TSPAN11: variants seen among roughly 807,000 people sequenced by gnomAD.
TSPAN11 encodes tetraspanin-11.
A neutral mutation model predicts 32.9 loss-of-function variants in TSPAN11; 29 were observed. The ratio of observed to expected loss-of-function variants is 0.88; its 90% CI spans 0.66 to 1.20. TSPAN11 has a LOEUF of 1.20. Ranked by LOEUF, TSPAN11 falls within the 50% of genes most tolerant of loss-of-function variation. The pLI, the probability that TSPAN11 is intolerant of heterozygous loss-of-function variation, is 0.00. For missense variants in TSPAN11, 283 were observed against 329.1 expected (o/e 0.86, Z 1.08); for synonymous variants, 140 against 141.3 (o/e 0.99, Z 0.07).
chr12:30,976,232 G>A lies in TSPAN11; in HGVS notation c.277-2329G>A, dbSNP rs548142337. On this transcript the variant is annotated intron_variant, in intron 3 of 7. Transcript: ENST00000546076. ...CTGTGGGACCTGGAGCTCTGGGAGG[G>A]CAGGAGGCGGGTTAGATCACTGGAA... is the stretch of plus-strand genomic sequence containing the variant. Among the ~76,000 whole-genome samples the A allele has an allele frequency of 2.0e-5, 3 of 152,288 alleles. No individual in the cohort carries two copies. The South Asian group carries it at 6.2e-4, about 32-fold the overall frequency.
intron 1 of TSPAN11, among the ~76,000 whole-genome samples, chr12:30,938,156 T>A: frequency 6.6e-6 from 1 of 152,188 alleles, no homozygotes. Context: ...CCCTTAGGAA[T>A]CAAACTGAAG....
At chr12:31,004,793 C>G in the TSPAN11 span, among the ~76,000 whole-genome samples, 10,299 of 152,306 alleles carry the variant, frequency 0.068, 501 homozygotes, top group South Asian at 0.2. Flanking sequence ...AACCCAACAA[C>G]TGCTCCTCAG....
chr12:30,935,830 C>G (rs1284199722), intron 1 of TSPAN11, among the ~76,000 whole-genome samples: 5 of 152,074 alleles, frequency 3.3e-5, no homozygotes, highest in African/African-American at 1.2e-4. Context: ...GGGTCAGCTG[C>G]CATGGACTGA....
At chr12:31,013,006 A>G in the TSPAN11 span, among the ~76,000 whole-genome samples, 3 of 152,198 alleles carry the variant, frequency 2.0e-5, no homozygotes, top group Non-Finnish European at 4.4e-5. Flanking sequence ...TACAGACACA[A>G]ATCTAAGCAA....
chr12:30,981,602 T>C (rs1939094360), intron 5 of TSPAN11, among the ~76,000 whole-genome samples: 1 of 152,152 alleles, frequency 6.6e-6, no homozygotes, highest in Non-Finnish European at 1.5e-5. Flanking sequence ...CGGGGGCCCC[T>C]GTTCATCCCT....
At chr12:30,943,268 C>T (rs1938202829) in intron 1 of TSPAN11, among the ~76,000 whole-genome samples, 1 of 152,170 alleles carries the variant, frequency 6.6e-6, no homozygotes, top group Non-Finnish European at 1.5e-5. Context: ...ACTAGATCTG[C>T]ACAAGGAAAA....
chr12:30,983,635 A>G (rs1939142967), intron 7 of TSPAN11, among the ~76,000 whole-genome samples: 1 of 152,094 alleles, frequency 6.6e-6, no homozygotes. Flanking sequence ...TCAGTCCTCC[A>G]TGTCCGTGGG....
intron 1 of TSPAN11, among the ~76,000 whole-genome samples, chr12:30,928,709 C>G (rs1191107636): frequency 6.6e-6 from 1 of 152,156 alleles, no homozygotes; most frequent in Non-Finnish European, 1.5e-5. Context: ...CTTCTTTGGT[C>G]CAAATCAGGG....
intron 1 of TSPAN11, among the ~76,000 whole-genome samples, chr12:30,927,491 G>A (rs1438579530): frequency 2.6e-5 from 4 of 152,176 alleles, no homozygotes; most frequent in Non-Finnish European, 4.4e-5. Flanking sequence ...GGGCTTGGCG[G>A]GACAGCATCT....
intron 2 of TSPAN11, among the ~76,000 whole-genome samples, chr12:30,959,398 T>C (rs905246735): frequency 6.6e-6 from 1 of 151,684 alleles, no homozygotes; most frequent in South Asian, 2.1e-4. Context: ...GCGTGAAAGG[T>C]GGGCAGGAAA....
the TSPAN11 span, among the ~76,000 whole-genome samples, chr12:31,003,704 C>T: frequency 6.6e-6 from 1 of 152,328 alleles, no homozygotes; most frequent in South Asian, 2.1e-4. Context: ...AGTGTGTTTG[C>T]TCTGGAATCT....
chr12:30,958,001 G>A (rs112440009), intron 2 of TSPAN11, among the ~76,000 whole-genome samples: 2 of 152,104 alleles, frequency 1.3e-5, no homozygotes, highest in African/African-American at 4.8e-5. Flanking sequence ...TAGAGTATGA[G>A]TGTAACTATG....
At position 30,994,584 on chromosome 12, in the gene TSPAN11, A is replaced by G. The variant is rs1464713154; in HGVS notation, c.*2669A>G. The G allele has an allele frequency of 6.6e-6, 1 of 152,072 alleles. No homozygotes were observed. Among genetic ancestry groups the G allele is most frequent in the Non-Finnish European group, 1.5e-5 (1 of 68,018 alleles). 9.4% of individuals were successfully genotyped at this position (152,072 alleles called of 1,614,324 possible). On this transcript the variant is annotated 3_prime_UTR_variant, in exon 8 of 8. Transcript: ENST00000546076. ...TGTCAGGACAGCAGGCAAGAATGAA[A>G]CGTGGCCTTGGCTGACGGGTTGGAA...
chr12:30,974,318 C>G (rs1938915485), intron 3 of TSPAN11, among the ~76,000 whole-genome samples: 1 of 152,224 alleles, frequency 6.6e-6, no homozygotes. Context: ...CATTTTGTGC[C>G]AGATAATTCT....
chr12:30,951,610 G>T (rs948164704), intron 1 of TSPAN11, among the ~76,000 whole-genome samples: 1 of 152,200 alleles, frequency 6.6e-6, no homozygotes, highest in Admixed American at 6.5e-5. Context: ...AAGATGGACC[G>T]AAATAATGAG....
intron 1 of TSPAN11, among the ~76,000 whole-genome samples, chr12:30,943,057 C>T (rs1408255626): frequency 6.6e-6 from 1 of 152,180 alleles, no homozygotes; most frequent in African/African-American, 2.4e-5. Context: ...GTGTGATTCC[C>T]TCCAGAGGGT....
chr12:30,990,120 C>T (rs1221590471), intron 7 of TSPAN11, among the ~76,000 whole-genome samples: 2 of 151,322 alleles, frequency 1.3e-5, no homozygotes, highest in African/African-American at 2.5e-5. Flanking sequence ...CCTCCACATG[C>T]TTCAGCGTGG....
Position 30,978,562 on chromosome 12 carries a change from A to G in TSPAN11, c.278A>G (p.Tyr93Cys), listed in dbSNP as rs1444060041. ...LWERKGCLST[Y>C]FCLLLVIFLV... Reference sequence around the variant, plus strand: ...ACCGTCCTCTCTCTTTGCTGCTAGTATTTCTGCCTGTTGCTCGTCATCTTC... The same window carrying G: ...ACCGTCCTCTCTCTTTGCTGCTAGTGTTTCTGCCTGTTGCTCGTCATCTTC... Residue 93 changes from tyrosine (Y) to cysteine (C), a missense_variant and splice_region_variant, in exon 4 of 8, where the codon TAT becomes TGT. Physicochemically the swap from Tyr to Cys is radical, Grantham distance 194 (BLOSUM62 -2). Coordinates refer to ENST00000546076, the MANE Select transcript of TSPAN11 (RefSeq NM_001370302.1). The G allele has an allele frequency of 6.2e-7, 1 of 1,614,030 alleles. No individual in the cohort carries two copies. The highest frequency in any genetic ancestry group is 1.3e-5 in the African/African-American group (1 of 74,918).
At chr12:30,941,590 T>TA (rs952601575) in intron 1 of TSPAN11, among the ~76,000 whole-genome samples, 2 of 152,212 alleles carry the variant, frequency 1.3e-5, no homozygotes, top group Non-Finnish European at 2.9e-5. Flanking sequence ...TCCCTGGGTG[T>TA]AGGCCTAGCC....
Sources: gnomAD v4.1 joint callset for allele counts (sites outside exome capture counted in the v4.1 genomes callset) on GRCh38, gnomAD v4.1.1 for gene constraint, MANE v1.5 for transcripts, NCBI Gene and HGNC (gene_info 2026-07-23, HGNC 2026-07-21) for gene names.